Variants in PI4KA observed in about 807,000 individuals in gnomAD.
PI4KA encodes the protein PI4-kinase alpha.
PI4KA carries 122 observed loss-of-function variants against 271.4 expected under a neutral mutation model. The observed-to-expected ratio is 0.45, with a 90% confidence interval of 0.39 to 0.52. The LOEUF (loss-of-function observed/expected upper bound fraction) is 0.52, where lower values mean the gene tolerates loss of function less well. PI4KA is among the 20% of genes least tolerant of loss of function. The pLI is 0.00. For missense variants in PI4KA, 1,969 were observed against 2,769.1 expected (o/e 0.71, Z 6.48); for synonymous variants, 1,041 against 1,078.8 (o/e 0.96, Z 0.69).
At chr22:20,811,607 C>CAAAAAAAA (rs1185062165) in intron 8 of PI4KA, among the ~76,000 whole-genome samples, 4 of 112,414 alleles carry the variant, frequency 3.6e-5, no homozygotes, top group African/African-American at 9.8e-5. Flanking sequence ...TGCAGAACCA[C>CAAAAAAAA]AAAAAAAAAA....
At position 20,765,205 on chromosome 22, in the gene PI4KA, G is replaced by C. The variant is rs2147397801; in HGVS notation, c.2469C>G (p.Val823=). Residue 823 remains valine (V), a synonymous_variant, in exon 21 of 55, where the codon GTC becomes GTG. Coordinates refer to ENST00000255882, the MANE Select transcript of PI4KA (RefSeq NM_058004.4). The part of the protein sequence containing the change: ...GLWPEEWYEG[V]CEIATKSPLL... Reference sequence around the variant, plus strand: ...AGGGGGACTTAGTGGCTATTTCACAGACCCCCTCGTACCATTCTTCTGGCC... The same window carrying C: ...AGGGGGACTTAGTGGCTATTTCACACACCCCCTCGTACCATTCTTCTGGCC... 1.2e-6 allele frequency: 2 copies of C among 1,613,734 alleles called. No individual in the cohort carries two copies. Among genetic ancestry groups the C allele is most frequent in the Non-Finnish European group, 1.7e-6 (2 of 1,179,792 alleles).
At chr22:20,783,853 G>A in intron 19 of PI4KA, 1 of 1,323,420 alleles carries the variant, frequency 7.6e-7, no homozygotes, top group Non-Finnish European at 1.1e-6. Flanking sequence ...AGAGACTGTG[G>A]GGTCGGCTCT....
chr22:20,710,741 T>C lies in PI4KA; in HGVS notation c.6041A>G (p.Lys2014Arg). ...TCGGACACACATCTCCATGAACCACTTGAAGGGTGTGGCCTCCATCTTGCC... is the reference window on the plus strand; with the variant it reads ...TCGGACACACATCTCCATGAACCACCTGAAGGGTGTGGCCTCCATCTTGCC... The part of the protein sequence containing the change: ...MGGKMEATPF[K>R]WFMEMCVRGY... The change falls in exon 52 of 55, where the codon AAG (lysine) becomes AGG (arginine). Residue 2014 changes from lysine (K) to arginine (R), a missense_variant. This residue lies in a region of PI4KA where 110 missense variants were observed against 349.8 expected (regional missense o/e 0.31). Transcript: ENST00000255882. The C allele has an allele frequency of 6.2e-7, 1 of 1,614,014 alleles. No homozygotes were observed. The highest frequency in any genetic ancestry group is 8.5e-7 in the Non-Finnish European group (1 of 1,179,878).
At chr22:20,761,976 G>A (rs1009770031) in intron 22 of PI4KA, among the ~76,000 whole-genome samples, 6 of 152,144 alleles carry the variant, frequency 3.9e-5, no homozygotes, top group African/African-American at 1.2e-4. Context: ...AAGTATTCAC[G>A]TCTACAAAAG....
chr22:20,858,634 TAGA>T lies in PI4KA; in HGVS notation c.89_91del (p.Phe30del). On this transcript the variant is annotated inframe_deletion, in exon 1 of 55. Transcript: ENST00000255882. ...GGCCAGTGACAGGACCGTGTTGAAA[TAGA>T]AGCCCCGCGAGGCGCTGGAGCCGGA... 2 of 1,485,514 alleles carry T rather than the reference TAGA, an allele frequency of 1.3e-6. No homozygotes were observed. The highest frequency in any genetic ancestry group is 2.5e-5 in the South Asian group (2 of 78,730). 92.0% of individuals were successfully genotyped at this position (1,485,514 alleles called of 1,614,324 possible).
chr22:20,786,942 G>A, intron 19 of PI4KA: 1 of 1,614,130 alleles, frequency 6.2e-7, no homozygotes, highest in Non-Finnish European at 8.5e-7. Flanking sequence ...ACCACGGTGG[G>A]GTTCATGCCG....
intron 14 of PI4KA, among the ~76,000 whole-genome samples, chr22:20,801,039 T>C: frequency 6.8e-6 from 1 of 147,822 alleles, no homozygotes; most frequent in Admixed American, 6.7e-5. Flanking sequence ...TACAGGCACG[T>C]GCCACCACGC....
At chr22:20,711,965 G>T (rs563882213) in intron 50 of PI4KA, among the ~76,000 whole-genome samples, 4 of 151,774 alleles carry the variant, frequency 2.6e-5, no homozygotes, top group Admixed American at 2.6e-4. Context: ...GGATGGTCTC[G>T]ATCTCTTGAC....
rs1419093109 is a variant in PI4KA, at chr22:20,712,628, G to A, written c.5677-17C>T. On this transcript the variant is annotated splice_polypyrimidine_tract_variant and intron_variant, in intron 49 of 54. Transcript: ENST00000255882. Reference sequence around the variant, plus strand: ...CACCCCGCACTAGGAGGAAAGGCCAGTTCTGAGGCCCGCTGGGTGCGAGGT... The same window carrying A: ...CACCCCGCACTAGGAGGAAAGGCCAATTCTGAGGCCCGCTGGGTGCGAGGT... The A allele has an allele frequency of 1.9e-6, 3 of 1,574,308 alleles. 1 individual carries two copies. Among genetic ancestry groups the A allele is most frequent in the Non-Finnish European group, 2.6e-6 (3 of 1,158,138 alleles).
intron 38 of PI4KA, 49 bp from the exon 39 acceptor site, chr22:20,729,555 C>G: frequency 6.5e-7 from 1 of 1,550,260 alleles, no homozygotes; most frequent in Non-Finnish European, 8.7e-7. Flanking sequence ...CTGTGAGTGC[C>G]CACACACTGC....
chr22:20,769,995 G>A (rs952148001), intron 19 of PI4KA, among the ~76,000 whole-genome samples: 1 of 152,098 alleles, frequency 6.6e-6, no homozygotes, highest in Non-Finnish European at 1.5e-5. Flanking sequence ...ATTCTACCTA[G>A]GTTGTGGGTG....
At chr22:20,833,455 T>C (rs1601592121) in intron 3 of PI4KA, among the ~76,000 whole-genome samples, 1 of 152,134 alleles carries the variant, frequency 6.6e-6, no homozygotes. Context: ...GCATTGGCAG[T>C]AGCAGTGGTG....
rs1930408586 is a variant in PI4KA, at chr22:20,749,124, T to C, written c.3243+781A>G. On this transcript the variant is annotated intron_variant, in intron 28 of 54. Coordinates refer to ENST00000255882, the MANE Select transcript of PI4KA (RefSeq NM_058004.4). ...CTTGGGACCTGAGGCCCTTTTGCTG[T>C]AAATGAACAAAGGGAAATAGTTTCT... 2.6e-5 allele frequency among the ~76,000 whole-genome samples: 4 copies of C among 152,234 alleles called. No homozygotes were observed. In the South Asian group the frequency reaches 8.3e-4, roughly 31 times the overall value.
chr22:20,762,264 A>C (rs1932045468), intron 22 of PI4KA, among the ~76,000 whole-genome samples: 1 of 152,170 alleles, frequency 6.6e-6, no homozygotes, highest in African/African-American at 2.4e-5. Context: ...AAGCCTCAGG[A>C]GGGCAGGCCA....
intron 19 of PI4KA, among the ~76,000 whole-genome samples, chr22:20,772,459 T>C (rs1932919182): frequency 6.6e-6 from 1 of 152,168 alleles, no homozygotes; most frequent in Admixed American, 6.5e-5. Context: ...AGACTCAGTA[T>C]TGTATGTGAC....
Position 20,834,653 on chromosome 22 carries a change from G to T in PI4KA, c.276C>A (p.His92Gln). 2 of 1,582,918 alleles carry T rather than the reference G, an allele frequency of 1.3e-6. No individual in the cohort carries two copies. The highest frequency in any genetic ancestry group is 2.2e-5 in the East Asian group (1 of 44,714). Residue 92 changes from histidine to glutamine, a missense_variant and splice_region_variant, in exon 3 of 55, where the codon CAC becomes CAA. This residue lies in a region of PI4KA where 540 missense variants were observed against 555.5 expected (regional missense o/e 0.97). Transcript: ENST00000255882. ...GAAGGTAAGGAACCACACAATCTTT[G>T]TGCTAAAAAATAATAAGAAGAATAA... is the stretch of plus-strand genomic sequence containing the variant. Reference protein sequence around the residue: ...GIFLIESDLQHKDCVVPYLLR... With the variant: ...GIFLIESDLQQKDCVVPYLLR...
At chr22:20,741,714 C>T (rs1929481947) in intron 32 of PI4KA, among the ~76,000 whole-genome samples, 1 of 152,130 alleles carries the variant, frequency 6.6e-6, no homozygotes, top group South Asian at 2.1e-4. Context: ...AGAAAGAAAA[C>T]ATGTCAAATT....
intron 19 of PI4KA, among the ~76,000 whole-genome samples, chr22:20,782,557 C>CAA (rs1255778749): frequency 1.3e-5 from 2 of 152,172 alleles, no homozygotes; most frequent in African/African-American, 4.8e-5. Context: ...GCACAATAAA[C>CAA]AGAGGCAGGC....
intron 19 of PI4KA, among the ~76,000 whole-genome samples, chr22:20,791,105 T>G (rs1469218950): frequency 6.6e-6 from 1 of 152,124 alleles, no homozygotes; most frequent in Non-Finnish European, 1.5e-5. Flanking sequence ...TCAACCAACC[T>G]CACCACTCAC....
Sources: allele counts gnomAD v4.1 joint callset (sites outside exome capture counted in the v4.1 genomes callset), GRCh38; gene constraint gnomAD v4.1.1; regional missense constraint gnomAD v4.1.1; transcripts MANE v1.5; gene names NCBI Gene and HGNC (gene_info 2026-07-23, HGNC 2026-07-21).